Variants in SCML2 observed in about 807,000 individuals in gnomAD.
The protein encoded by SCML2 is sex comb on midleg-like protein 2.
In SCML2, 6 loss-of-function variants were observed where a neutral mutation model predicts 48.4. That is an observed-to-expected ratio of 0.12 (90% CI 0.07 to 0.24). SCML2 has a LOEUF of 0.24. SCML2 is among the 10% of genes least tolerant of loss of function. The pLI is 1.00. For synonymous variants in SCML2, 181 were observed against 189.5 expected (o/e 0.95, Z 0.37); for missense variants, 377 against 528.2 (o/e 0.71, Z 2.81).
At chrX:18,258,283 G>A (rs372416929) in intron 9 of SCML2, 36 bp from the exon 10 acceptor site, 7 of 1,085,765 alleles carry the variant, frequency 6.4e-6, no homozygotes, top group Admixed American at 4.7e-5. Context: ...ATAACAATGA[G>A]ACTGATTAAA....
intron 7 of SCML2, among the ~76,000 whole-genome samples, chrX:18,272,966 CCA>C (rs369101119): frequency 7.2e-4 from 81 of 112,149 alleles, no homozygotes; most frequent in African/African-American, 2.5e-3. Context: ...AACAACATTT[CCA>C]CAGATACAAC....
chrX:18,279,785 T>G (rs1364718734), intron 7 of SCML2, among the ~76,000 whole-genome samples: 2 of 112,005 alleles, frequency 1.8e-5, no homozygotes, highest in Non-Finnish European at 3.8e-5. Flanking sequence ...CGAAGACTAC[T>G]TCTTTGAATC....
At chrX:18,351,630 G>A (rs1381221846) in intron 1 of SCML2, among the ~76,000 whole-genome samples, 1 of 103,664 alleles carries the variant, frequency 9.6e-6, no homozygotes, top group Non-Finnish European at 2.0e-5. Context: ...ATTCACAAGT[G>A]GAATGAGAAT....
At chrX:18,348,696 A>G (rs1390878763) in intron 1 of SCML2, among the ~76,000 whole-genome samples, 1 of 112,011 alleles carries the variant, frequency 8.9e-6, no homozygotes, top group African/African-American at 3.2e-5. Flanking sequence ...AATACTGACT[A>G]TATTGCTTTT....
chrX:18,321,584 G>C (rs1346754172), intron 5 of SCML2, among the ~76,000 whole-genome samples: 1 of 78,941 alleles, frequency 1.3e-5, no homozygotes, highest in African/African-American at 5.0e-5. Flanking sequence ...AATCTGACCA[G>C]AGACACAATT....
At chrX:18,279,791 G>A (rs1215622510) in intron 7 of SCML2, among the ~76,000 whole-genome samples, 1 of 111,779 alleles carries the variant, frequency 8.9e-6, no homozygotes. Context: ...CTACTTCTTT[G>A]AATCAACTCA....
chrX:18,337,791 C>T (rs952062723), intron 1 of SCML2, among the ~76,000 whole-genome samples: 12 of 111,535 alleles, frequency 1.1e-4, no homozygotes, highest in African/African-American at 3.9e-4. Flanking sequence ...CTACTTCATC[C>T]AACAAGAGCA....
At chrX:18,285,002 T>C (rs1206455850) in intron 7 of SCML2, among the ~76,000 whole-genome samples, 4 of 104,064 alleles carry the variant, frequency 3.8e-5, no homozygotes, top group Non-Finnish European at 7.8e-5. Flanking sequence ...ATCGTGCCAT[T>C]GCACTCCAGC....
chrX:18,283,149 A>G (rs994099551), intron 7 of SCML2, among the ~76,000 whole-genome samples: 1 of 112,313 alleles, frequency 8.9e-6, no homozygotes, highest in East Asian at 2.8e-4. Context: ...TTCAACACAC[A>G]CAAATCAATA....
In SCML2 at chrX:18,288,903, G is replaced by C. The variant is rs768564114; in HGVS notation, c.730+16069C>G. On this transcript the variant is annotated intron_variant, in intron 7 of 14. Coordinates refer to ENST00000251900, the MANE Select transcript of SCML2 (RefSeq NM_006089.3). ...AGCTATTTGCATTTGTTGGTTTAAG[G>C]GGGGAGGAGTGGGAGGAGGGGACTA... 7.2e-5 allele frequency among the ~76,000 whole-genome samples: 8 copies of C among 111,307 alleles called. No individual in the cohort carries two copies. In the East Asian group the frequency reaches 1.4e-3, roughly 20 times the overall value.
intron 7 of SCML2, among the ~76,000 whole-genome samples, chrX:18,297,653 C>T (rs1341743980): frequency 9.0e-6 from 1 of 111,163 alleles, no homozygotes; most frequent in African/African-American, 3.3e-5. Context: ...AATGAAATAG[C>T]TGTAAAAGAA....
At chrX:18,280,227 G>A (rs1927782087) in intron 7 of SCML2, among the ~76,000 whole-genome samples, 1 of 111,640 alleles carries the variant, frequency 9.0e-6, no homozygotes, top group African/African-American at 3.3e-5. Context: ...TTAAAGAAAA[G>A]AAATTCCAAC....
chrX:18,244,732 A>G (rs1926381132), intron 13 of SCML2, among the ~76,000 whole-genome samples: 1 of 109,434 alleles, frequency 9.1e-6, no homozygotes, highest in African/African-American at 3.4e-5. Context: ...TGAAAGTATG[A>G]AAGTGATCTG....
At chrX:18,317,096 T>A (rs759845555) in intron 6 of SCML2, among the ~76,000 whole-genome samples, 8 of 111,747 alleles carry the variant, frequency 7.2e-5, no homozygotes, top group African/African-American at 2.0e-4. Flanking sequence ...ATTTTTAAAA[T>A]TTTTTTTCAG....
chrX:18,313,138 T>A (rs184087608), intron 6 of SCML2, among the ~76,000 whole-genome samples: 1 of 110,705 alleles, frequency 9.0e-6, no homozygotes, highest in East Asian at 2.9e-4. Context: ...GTCTTTGCCC[T>A]GTTATTCCAA....
At chrX:18,350,963 C>T (rs917875802) in intron 1 of SCML2, among the ~76,000 whole-genome samples, 6 of 111,079 alleles carry the variant, frequency 5.4e-5, no homozygotes, top group African/African-American at 2.0e-4. Context: ...AGGGTATAAA[C>T]TCTTCCTTCA....
chrX:18,345,342 C>T (rs182531850), intron 1 of SCML2, among the ~76,000 whole-genome samples: 114 of 111,786 alleles, frequency 1.0e-3, no homozygotes, highest in African/African-American at 3.5e-3. Flanking sequence ...CTCTGCTGTG[C>T]TATAGGCTGC....
chrX:18,307,809 T>TA (rs1455750151), intron 6 of SCML2, among the ~76,000 whole-genome samples: 1 of 109,654 alleles, frequency 9.1e-6, no homozygotes, highest in Non-Finnish European at 1.9e-5. Flanking sequence ...ACCCTATCTC[T>TA]AAAAAAGTAT....
intron 6 of SCML2, among the ~76,000 whole-genome samples, chrX:18,315,850 A>ACATC (rs1929104241): frequency 9.0e-6 from 1 of 110,708 alleles, no homozygotes; most frequent in Non-Finnish European, 1.9e-5. Context: ...CACAGCACAA[A>ACATC]CATCCTGCAT....
Sources: allele counts gnomAD v4.1 joint callset (sites outside exome capture counted in the v4.1 genomes callset), GRCh38; gene constraint gnomAD v4.1.1; transcripts MANE v1.5; gene names NCBI Gene and HGNC (gene_info 2026-07-23, HGNC 2026-07-21).